CFAP299: variants seen among roughly 807,000 people sequenced by gnomAD.
The protein encoded by CFAP299 is cilia and flagella associated protein 299.
Under a neutral mutation model 27.0 loss-of-function variants are expected in CFAP299, and 21 were observed. The ratio of observed to expected loss-of-function variants is 0.78; its 90% CI spans 0.55 to 1.12. The LOEUF (loss-of-function observed/expected upper bound fraction) is 1.12. Ranked by LOEUF, CFAP299 falls within the 50% of genes most tolerant of loss-of-function variation. CFAP299 has a pLI of 0.00. For missense variants in CFAP299, 310 were observed against 276.6 expected (o/e 1.12, Z -0.86); for synonymous variants, 104 against 98.1 (o/e 1.06, Z -0.36).
At chr4:80,912,547 C>A (rs530201945) in intron 4 of CFAP299, among the ~76,000 whole-genome samples, 1 of 152,212 alleles carries the variant, frequency 6.6e-6, no homozygotes, top group East Asian at 1.9e-4. Flanking sequence ...GTGAGGACTG[C>A]AAAAGGGGTA....
chr4:80,363,331 G>T (rs1723645835), intron 2 of CFAP299, among the ~76,000 whole-genome samples: 1 of 151,848 alleles, frequency 6.6e-6, no homozygotes, highest in South Asian at 2.1e-4. Flanking sequence ...ATATATGTTA[G>T]TATATAATAT....
chr4:80,757,550 T>C (rs1216838387), intron 3 of CFAP299, among the ~76,000 whole-genome samples: 1 of 152,126 alleles, frequency 6.6e-6, no homozygotes, highest in African/African-American at 2.4e-5. Context: ...CAAGACAATC[T>C]TTCTATCCTG....
At chr4:80,838,871 C>A (rs1356909884) in intron 3 of CFAP299, among the ~76,000 whole-genome samples, 1 of 152,068 alleles carries the variant, frequency 6.6e-6, no homozygotes, top group Non-Finnish European at 1.5e-5. Context: ...GAACTCTTAT[C>A]TGCTGATTTT....
At chr4:80,843,730 C>T (rs1465662553) in intron 3 of CFAP299, among the ~76,000 whole-genome samples, 1 of 151,994 alleles carries the variant, frequency 6.6e-6, no homozygotes. Flanking sequence ...TCCACATCCT[C>T]TTCAGCACCT....
chr4:80,583,184 G>A lies in CFAP299; in HGVS notation c.333+1G>A, dbSNP rs767810443. ...AGACAATCGCAGTGGAAAACTGAGT[G>A]TAAGTACATTTCATCCAACAGCTTA... is the stretch of plus-strand genomic sequence containing the variant. On this transcript the variant is annotated splice_donor_variant, in intron 3 of 5. Transcript: ENST00000358105. LOFTEE classifies it high-confidence loss of function. 13 of 1,590,678 alleles carry A rather than the reference G, an allele frequency of 8.2e-6. No individual in the cohort carries two copies. The highest frequency in any genetic ancestry group is 1.1e-5 in the Non-Finnish European group (13 of 1,163,774).
At chr4:80,768,762 C>T (rs1190838969) in intron 3 of CFAP299, among the ~76,000 whole-genome samples, 2 of 151,962 alleles carry the variant, frequency 1.3e-5, no homozygotes, top group African/African-American at 2.4e-5. Context: ...CTGTAATAGG[C>T]GATTGGCAAA....
At chr4:80,633,982 CTTT>C (rs1225649545) in intron 3 of CFAP299, among the ~76,000 whole-genome samples, 165 of 115,156 alleles carry the variant, frequency 1.4e-3, no homozygotes, top group African/African-American at 4.6e-3. Flanking sequence ...GAGGAGAAAA[CTTT>C]TTTTTTTTTT....
rs557913762 is a variant in CFAP299 at position 80,831,625 on chromosome 4, A to C, written c.334-38368A>C. On this transcript the variant is annotated intron_variant, in intron 3 of 5. Coordinates refer to ENST00000358105, the MANE Select transcript of CFAP299 (RefSeq NM_152770.3). ...CAGAATCTCTGGGAGTGATGCCCAG[A>C]AACTGCATTTTAACTCTCAAGTGAG... is the stretch of plus-strand genomic sequence containing the variant. 4.6e-5 allele frequency among the ~76,000 whole-genome samples: 7 copies of C among 152,286 alleles called. No homozygotes were observed. The South Asian group carries it at 1.5e-3, about 32-fold the overall frequency.
rs70956073 is a variant in CFAP299, at chr4:80,866,059, T to TTATATATATATATATATATATA, written c.334-3918_334-3897dup. On this transcript the variant is annotated intron_variant, in intron 3 of 5. Coordinates refer to ENST00000358105, the MANE Select transcript of CFAP299 (RefSeq NM_152770.3). ...CTTGTGCACCGTAGAACTTAAAGTA[T>TTATATATATATATATATATATA]TATATATATATATATATATATATAT... is the stretch of plus-strand genomic sequence containing the variant. Among the ~76,000 whole-genome samples the TTATATATATATATATATATATA allele has an allele frequency of 2.1e-3, 120 of 58,356 alleles. 17 individuals carry two copies. Among genetic ancestry groups the TTATATATATATATATATATATA allele is most frequent in the Non-Finnish European group, 3.7e-3 (82 of 22,322 alleles). 38.3% of individuals were successfully genotyped at this position (58,356 alleles called of 152,430 possible). A position where few individuals can be genotyped will look rare whatever the true frequency, so the allele number is the denominator to read the frequency against.
At chr4:80,598,116 G>A (rs1355440965) in intron 3 of CFAP299, among the ~76,000 whole-genome samples, 2 of 152,210 alleles carry the variant, frequency 1.3e-5, no homozygotes, top group Admixed American at 6.5e-5. Flanking sequence ...GAAGTTAAAA[G>A]TTTAGAAGTT....
At chr4:80,423,677 G>A (rs1336597060) in intron 2 of CFAP299, among the ~76,000 whole-genome samples, 1 of 152,186 alleles carries the variant, frequency 6.6e-6, no homozygotes, top group Non-Finnish European at 1.5e-5. Flanking sequence ...GTTCCAGGAG[G>A]CAGTCTGGCG....
In CFAP299 at chr4:80,466,813, C is replaced by T. The variant is rs750527025; in HGVS notation, c.242+103929C>T. Among the ~76,000 whole-genome samples, 170 of 152,194 alleles carry T rather than the reference C, an allele frequency of 1.1e-3. 1 individual carries two copies. Among genetic ancestry groups the T allele is most frequent in the Non-Finnish European group, 2.0e-3 (133 of 68,036 alleles). On this transcript the variant is annotated intron_variant, in intron 2 of 5. Transcript: ENST00000358105. ...CCCTCTCACCCCATGCTTTTGCAAT[C>T]TTGCATCATGTCAGGCCCTTGCACT...
At chr4:80,638,553 A>T (rs757477225) in intron 3 of CFAP299, among the ~76,000 whole-genome samples, 2 of 152,190 alleles carry the variant, frequency 1.3e-5, no homozygotes, top group African/African-American at 4.8e-5. Flanking sequence ...GACTTAAAAC[A>T]CGGAGTCCAA....
intron 2 of CFAP299, among the ~76,000 whole-genome samples, chr4:80,462,625 T>C (rs1729494762): frequency 6.6e-6 from 1 of 152,170 alleles, no homozygotes. Flanking sequence ...TTTGCTTTCT[T>C]ATGTCTTCAT....
intron 3 of CFAP299, among the ~76,000 whole-genome samples, chr4:80,631,535 C>T (rs567176940): frequency 6.6e-6 from 1 of 152,040 alleles, no homozygotes; most frequent in South Asian, 2.1e-4. Flanking sequence ...TTTCTTTATG[C>T]TTCATGATAG....
chr4:80,385,080 C>G (rs544972664), intron 2 of CFAP299, among the ~76,000 whole-genome samples: 1 of 152,208 alleles, frequency 6.6e-6, no homozygotes, highest in Non-Finnish European at 1.5e-5. Context: ...TCTCACATCC[C>G]TATTATTGTT....
chr4:80,904,243 C>A (rs896930024), intron 4 of CFAP299, among the ~76,000 whole-genome samples: 1 of 152,114 alleles, frequency 6.6e-6, no homozygotes, highest in Non-Finnish European at 1.5e-5. Flanking sequence ...CTGGAGAACA[C>A]TGGATTAAAG....
intron 2 of CFAP299, among the ~76,000 whole-genome samples, chr4:80,455,459 C>A (rs1729098271): frequency 6.6e-6 from 1 of 152,146 alleles, no homozygotes; most frequent in Non-Finnish European, 1.5e-5. Flanking sequence ...TAAACTCCCT[C>A]CACTCCACTC....
intron 3 of CFAP299, among the ~76,000 whole-genome samples, chr4:80,788,057 A>G (rs920635613): frequency 6.6e-6 from 1 of 152,012 alleles, no homozygotes; most frequent in Non-Finnish European, 1.5e-5. Flanking sequence ...TAGGTCTGCA[A>G]TGGGACTTGA....
Sources: allele counts gnomAD v4.1 joint callset (sites outside exome capture counted in the v4.1 genomes callset), GRCh38; gene constraint gnomAD v4.1.1; transcripts MANE v1.5; gene names NCBI Gene and HGNC (gene_info 2026-07-23, HGNC 2026-07-21).